TTI1: variants seen among roughly 807,000 people sequenced by gnomAD.
TTI1 encodes the protein TELO2 interacting protein 1, also known as TELO2-interacting protein 1 homolog.
A neutral mutation model predicts 85.4 loss-of-function variants in TTI1; 52 were observed. The observed-to-expected ratio is 0.61, with a 90% CI of 0.49 to 0.77. The LOEUF (loss-of-function observed/expected upper bound fraction) is 0.77, where lower values mean the gene tolerates loss of function less well. Ranked by LOEUF, TTI1 falls within the 30% of genes least tolerant of loss-of-function variation. The pLI is 0.00. For synonymous variants in TTI1, 512 were observed against 503.9 expected (o/e 1.02, Z -0.22); for missense variants, 1,173 against 1,296.0 (o/e 0.91, Z 1.46).
intron 7 of TTI1, among the ~76,000 whole-genome samples, chr20:37,992,808 T>C (rs1437651947): frequency 6.6e-6 from 1 of 152,148 alleles, no homozygotes; most frequent in African/African-American, 2.4e-5. Context: ...TCTTTTCAAA[T>C]TCCTTTCACG....
Position 38,004,612 on chromosome 20 carries a change from G to A in TTI1, c.2503+1585C>T, listed in dbSNP as rs777877899. On this transcript the variant is annotated intron_variant, in intron 3 of 7. Coordinates refer to ENST00000373447, the MANE Select transcript of TTI1 (RefSeq NM_001303457.2). ...GTGGTGTGTACTTGATGAATGATAA[G>A]CATGATAGGCCTGTGCTTTTTTCCC... 5.3e-4 allele frequency among the ~76,000 whole-genome samples: 81 copies of A among 152,224 alleles called. 1 individual carries two copies. Among genetic ancestry groups the A allele is most frequent in the Non-Finnish European group, 5.4e-4 (37 of 68,036 alleles).
intron 7 of TTI1, among the ~76,000 whole-genome samples, chr20:37,994,260 AT>A: frequency 6.6e-6 from 1 of 152,154 alleles, no homozygotes; most frequent in South Asian, 2.1e-4. Flanking sequence ...CAGCTTCCCA[AT>A]TAGCTGGAAT....
rs1178100336 is a variant in TTI1, at chr20:38,011,680, G to T, written c.2137C>A (p.Pro713Thr). Reference protein sequence around the residue: ...SLNLRHLALHPHTPKVLEVML... With the variant: ...SLNLRHLALHTHTPKVLEVML... ...ACTTCCAGGACCTTTGGGGTATGAG[G>T]ATGCAGAGCCAGATGACGCAGATTT... Residue 713 changes from proline to threonine, a missense_variant, in exon 2 of 8, where the codon CCT (proline) becomes ACT (threonine). Pro to Thr is a conservative substitution (Grantham distance 38). Transcript: ENST00000373447. The T allele has an allele frequency of 1.9e-6, 3 of 1,614,072 alleles. No homozygotes were observed.
rs969594899 is a variant in TTI1, at chr20:37,985,093, G to A, written c.3087-1454C>T. On this transcript the variant is annotated intron_variant, in intron 7 of 7. Coordinates refer to ENST00000373447, the MANE Select transcript of TTI1 (RefSeq NM_001303457.2). ...ATTAACAGGATTCAAATTATCAGAG[G>A]CATCACTAGCTATGTGGCTTTGGGA... Among the ~76,000 whole-genome samples the A allele has an allele frequency of 8.5e-5, 13 of 152,294 alleles. No individual in the cohort carries two copies. In the East Asian group the frequency reaches 2.5e-3, roughly 29 times the overall value.
chr20:38,004,234 A>G (rs980373352), intron 3 of TTI1, among the ~76,000 whole-genome samples: 5 of 152,198 alleles, frequency 3.3e-5, no homozygotes, highest in African/African-American at 1.2e-4. Context: ...AAGATTTGAG[A>G]ATTGCATGAA....
intron 5 of TTI1, among the ~76,000 whole-genome samples, chr20:37,998,086 C>T (rs1259600770): frequency 6.6e-6 from 1 of 152,102 alleles, no homozygotes; most frequent in African/African-American, 2.4e-5. Context: ...CCTGCCACTG[C>T]GCCCAGGTAA....
chr20:38,029,785 T>C (rs926983152), intron 1 of TTI1, among the ~76,000 whole-genome samples: 7 of 152,156 alleles, frequency 4.6e-5, no homozygotes, highest in African/African-American at 1.7e-4. Flanking sequence ...CCCTCATAAA[T>C]GGATTAATGG....
At chr20:38,022,090 A>G (rs1315955205) in intron 1 of TTI1, among the ~76,000 whole-genome samples, 5 of 152,216 alleles carry the variant, frequency 3.3e-5, no homozygotes, top group Admixed American at 3.3e-4. Flanking sequence ...CAAAGGCCAG[A>G]AGGGAGAAAA....
intron 5 of TTI1, among the ~76,000 whole-genome samples, chr20:37,998,439 C>A (rs527253397): frequency 6.6e-6 from 1 of 151,660 alleles, no homozygotes; most frequent in Admixed American, 6.6e-5. Context: ...TTCTCTCTGC[C>A]TCATCTTGCG....
At chr20:38,014,831 A>G (rs1437929010) in intron 1 of TTI1, among the ~76,000 whole-genome samples, 1 of 152,190 alleles carries the variant, frequency 6.6e-6, no homozygotes, top group Non-Finnish European at 1.5e-5. Flanking sequence ...AAGGATAAAC[A>G]GAGGGCTTGA....
At position 37,985,581 on chromosome 20, in the gene TTI1, G is replaced by A. The variant is rs562122176; in HGVS notation, c.3087-1942C>T. On this transcript the variant is annotated intron_variant, in intron 7 of 7. Coordinates refer to ENST00000373447, the MANE Select transcript of TTI1 (RefSeq NM_001303457.2). ...CTCACTCTGTTGCCCAGGCTGGAGT[G>A]CAATGGCGCGATCTCAGCTCACTGC... Among the ~76,000 whole-genome samples the A allele has an allele frequency of 4.6e-5, 7 of 151,452 alleles. No individual in the cohort carries two copies. In the East Asian group the frequency reaches 1.4e-3, roughly 29 times the overall value.
intron 7 of TTI1, among the ~76,000 whole-genome samples, chr20:37,994,166 C>G (rs192085612): frequency 6.6e-6 from 1 of 152,298 alleles, no homozygotes; most frequent in African/African-American, 2.4e-5. Context: ...ACAGACTGCA[C>G]TCTGTCACCT....
At chr20:38,033,052 TAC>T (rs1475134352) in intron 1 of TTI1, among the ~76,000 whole-genome samples, 11 of 152,088 alleles carry the variant, frequency 7.2e-5, no homozygotes, top group African/African-American at 2.7e-4. Context: ...ACGGCGCTGT[TAC>T]AGACTAAAAG....
At chr20:38,021,369 T>C (rs1449496325) in intron 1 of TTI1, among the ~76,000 whole-genome samples, 1 of 152,154 alleles carries the variant, frequency 6.6e-6, no homozygotes, top group Admixed American at 6.5e-5. Context: ...GAAAGAATTG[T>C]TTAGAGATTT....
intron 5 of TTI1, among the ~76,000 whole-genome samples, chr20:37,998,733 A>G (rs1348821861): frequency 6.6e-6 from 1 of 152,070 alleles, no homozygotes; most frequent in Non-Finnish European, 1.5e-5. Context: ...TGTCAGCATC[A>G]CTCAGCTGGG....
At chr20:38,033,270 G>T (rs572973230) in intron 1 of TTI1, 134 bp downstream of exon 1, 1 of 152,442 alleles carries the variant, frequency 6.6e-6, no homozygotes, top group East Asian at 1.9e-4. Flanking sequence ...GCGGCCTGGG[G>T]CCCGCCAGAT....
intron 7 of TTI1, among the ~76,000 whole-genome samples, chr20:37,995,941 T>C (rs908704020): frequency 1.3e-5 from 2 of 152,210 alleles, no homozygotes; most frequent in African/African-American, 4.8e-5. Flanking sequence ...TGCTTTGCAC[T>C]TGTGAGGGTT....
At chr20:37,988,637 T>G (rs74848636) in intron 7 of TTI1, among the ~76,000 whole-genome samples, 3 of 152,204 alleles carry the variant, frequency 2.0e-5, no homozygotes, top group Non-Finnish European at 4.4e-5. Flanking sequence ...TCAGGGTAAA[T>G]GCCAGTGGTA....
chr20:38,012,225 G>A lies in TTI1; in HGVS notation c.1592C>T (p.Thr531Ile). 2 of 1,614,152 alleles carry A rather than the reference G, an allele frequency of 1.2e-6. No homozygotes were observed. Among genetic ancestry groups the A allele is most frequent in the Non-Finnish European group, 8.5e-7 (1 of 1,180,026 alleles). Residue 531 changes from threonine (T) to isoleucine (I), a missense_variant, in exon 2 of 8, where the codon ACA becomes ATA. Coordinates refer to ENST00000373447, the MANE Select transcript of TTI1 (RefSeq NM_001303457.2). ...CTCAACCTCCAGCCCAGCAGCCCCT[G>A]TAACCAGTTCATTAAGGATCATGGC... ...QAAMILNELV[T>I]GAAGLEVEDL...
Sources: allele counts gnomAD v4.1 joint callset (sites outside exome capture counted in the v4.1 genomes callset), GRCh38; gene constraint gnomAD v4.1.1; transcripts MANE v1.5; gene names NCBI Gene and HGNC (gene_info 2026-07-23, HGNC 2026-07-21).